The following RIMBP2 variants were observed in gnomAD, a reference collection of about 807,000 sequenced individuals.
RIMBP2 encodes RIMS binding protein 2, also known as RIMS-binding protein 2.
RIMBP2 carries 48 observed loss-of-function variants against 118.6 expected under a neutral mutation model. The observed-to-expected ratio is 0.40, with a 90% CI of 0.32 to 0.51. The LOEUF (loss-of-function observed/expected upper bound fraction) is 0.51. RIMBP2 is among the 20% of genes least tolerant of loss of function. RIMBP2 has a pLI of 0.41. For missense variants in RIMBP2, 1,551 were observed against 1,768.3 expected, an observed-to-expected ratio of 0.88 and a Z score of 2.20; for synonymous variants, 762 against 742.9, an observed-to-expected ratio of 1.03 and a Z score of -0.42.
chr12:130,422,756 C>T lies in RIMBP2; in HGVS notation c.3130-195G>A, dbSNP rs188480053. On this transcript the variant is annotated intron_variant, in intron 16 of 22. Transcript: ENST00000690449. This position sits in a 1 kb window ranked among gnomAD's most constrained non-coding sequence, Gnocchi z 5.2. ...GCACCCCACTGTCTACTCGGAGCCGCTGCTGGGCGCATGGTGGGGTGAGGG... is the reference window on the plus strand; with the variant it reads ...GCACCCCACTGTCTACTCGGAGCCGTTGCTGGGCGCATGGTGGGGTGAGGG... Among the ~76,000 whole-genome samples, 961 of 152,338 alleles carry T rather than the reference C, an allele frequency of 6.3e-3. No homozygotes were observed. Among genetic ancestry groups the T allele is most frequent in the Non-Finnish European group, 0.01 (686 of 68,024 alleles).
At chr12:130,430,401 C>T (rs572322258) in intron 14 of RIMBP2, 12 of 152,276 alleles carry the variant, frequency 7.9e-5, no homozygotes, top group African/African-American at 2.4e-4. Context: ...GGTAAAGCCT[C>T]CACGAGACAG....
chr12:130,450,382 G>T lies in RIMBP2; in HGVS notation c.505-106C>A. Reference sequence around the variant, plus strand: ...TCGCAGCTTCCTGGGCCCCAGGAGGGACGGCCTGAGACTGTGGCACTCCCA... The same window carrying T: ...TCGCAGCTTCCTGGGCCCCAGGAGGTACGGCCTGAGACTGTGGCACTCCCA... On this transcript the variant is annotated intron_variant, in intron 8 of 22. Transcript: ENST00000690449. The surrounding 1 kb of genome is among the most constrained non-coding windows in gnomAD (Gnocchi z 4.8). 1 of 777,100 alleles carries T rather than the reference G, an allele frequency of 1.3e-6. No individual in the cohort carries two copies. Among genetic ancestry groups the T allele is most frequent in the Non-Finnish European group, 2.2e-6 (1 of 449,750 alleles). 48.1% of individuals were successfully genotyped at this position (777,100 alleles called of 1,614,324 possible). A position where few individuals can be genotyped will look rare whatever the true frequency, so the allele number is the denominator to read the frequency against.
chr12:130,459,588 C>G (rs1473781186), intron 6 of RIMBP2, among the ~76,000 whole-genome samples: 2 of 152,194 alleles, frequency 1.3e-5, no homozygotes, highest in Non-Finnish European at 2.9e-5. Context: ...ACCACCCCAT[C>G]AAGGGGGCTA....
chr12:130,495,184 T>C (rs2138540370), intron 4 of RIMBP2, among the ~76,000 whole-genome samples: 1 of 152,320 alleles, frequency 6.6e-6, no homozygotes, highest in East Asian at 1.9e-4. Flanking sequence ...GACTTGGGCG[T>C]CATTTGGGGG....
At chr12:130,700,572 G>T (rs2065809086) in intron 1 of RIMBP2, among the ~76,000 whole-genome samples, 1 of 152,218 alleles carries the variant, frequency 6.6e-6, no homozygotes, top group African/African-American at 2.4e-5. Context: ...TGGAGACAGA[G>T]GCAGAGGTGG....
intron 2 of RIMBP2, among the ~76,000 whole-genome samples, chr12:130,555,297 A>AAAT (rs758644582): frequency 6.6e-6 from 1 of 152,178 alleles, no homozygotes; most frequent in Non-Finnish European, 1.5e-5. Flanking sequence ...TAAATTTAAA[A>AAAT]AATAATAATA....
chr12:130,421,861 A>T (rs2076435087), intron 17 of RIMBP2, among the ~76,000 whole-genome samples: 1 of 152,208 alleles, frequency 6.6e-6, no homozygotes, highest in Non-Finnish European at 1.5e-5. Context: ...AGGATGACTA[A>T]AACGATAGCT....
At chr12:130,668,016 G>C (rs1412801561) in intron 1 of RIMBP2, 1 of 152,118 alleles carries the variant, frequency 6.6e-6, no homozygotes, top group Admixed American at 6.5e-5. Context: ...CAAACCTGAG[G>C]GGGTTGTGGG....
At chr12:130,615,181 ATATT>A (rs1390341844) in intron 2 of RIMBP2, among the ~76,000 whole-genome samples, 6 of 146,536 alleles carry the variant, frequency 4.1e-5, no homozygotes, top group Non-Finnish European at 9.0e-5. Context: ...TATAATATAT[ATATT>A]ACAATATTAC....
intron 1 of RIMBP2, among the ~76,000 whole-genome samples, chr12:130,636,500 G>C (rs150889861): frequency 6.6e-6 from 1 of 152,294 alleles, no homozygotes; most frequent in Non-Finnish European, 1.5e-5. Flanking sequence ...ACTCAGCTGT[G>C]AAGTAGGTAT....
At chr12:130,490,950 C>T (rs1032645700) in intron 4 of RIMBP2, among the ~76,000 whole-genome samples, 7 of 152,144 alleles carry the variant, frequency 4.6e-5, no homozygotes, top group African/African-American at 1.7e-4. Context: ...AGCTCCCGAG[C>T]CCCCTGTGTG....
Position 130,407,892 on chromosome 12 carries a change from C to T in RIMBP2, c.3590-63G>A, listed in dbSNP as rs577946113. The T allele has an allele frequency of 2.3e-5, 34 of 1,467,346 alleles. No homozygotes were observed. In the South Asian group the frequency reaches 3.3e-4, roughly 14 times the overall value. 90.9% of individuals were successfully genotyped at this position (1,467,346 alleles called of 1,614,324 possible). ...GGTTATTTCAAACTTAGCGGTGTTC[C>T]CCTCCTTCCGGGTCACACATGGCCA... is the stretch of plus-strand genomic sequence containing the variant. On this transcript the variant is annotated intron_variant, in intron 19 of 22. Coordinates refer to ENST00000690449, the MANE Select transcript of RIMBP2 (RefSeq NM_001393629.1).
rs1055143140 is a variant in RIMBP2 at position 130,475,904 on chromosome 12, C to G, written c.102+3008G>C. Among the ~76,000 whole-genome samples the G allele has an allele frequency of 6.6e-6, 1 of 151,964 alleles. No individual in the cohort carries two copies. The highest frequency in any genetic ancestry group is 2.4e-5 in the African/African-American group (1 of 41,358). On this transcript the variant is annotated intron_variant, in intron 5 of 22. Coordinates refer to ENST00000690449, the MANE Select transcript of RIMBP2 (RefSeq NM_001393629.1). This position sits in a 1 kb window ranked among gnomAD's most constrained non-coding sequence, Gnocchi z 4.1. Reference sequence around the variant, plus strand: ...GACGTGGCGTCCGAGGCCCCCCAAGCAGTGGTGTCAAGCAGAGGGTGAGTA... The same window carrying G: ...GACGTGGCGTCCGAGGCCCCCCAAGGAGTGGTGTCAAGCAGAGGGTGAGTA...
At position 130,469,519 on chromosome 12, in the gene RIMBP2, T is replaced by C. The variant is rs1320391479; in HGVS notation, c.153+1174A>G. Among the ~76,000 whole-genome samples, 4 of 152,172 alleles carry C rather than the reference T, an allele frequency of 2.6e-5. No individual in the cohort carries two copies. Among genetic ancestry groups the C allele is most frequent in the Non-Finnish European group, 5.9e-5 (4 of 68,022 alleles). On this transcript the variant is annotated intron_variant, in intron 6 of 22. Coordinates refer to ENST00000690449, the MANE Select transcript of RIMBP2 (RefSeq NM_001393629.1). The surrounding 1 kb of genome is among the most constrained non-coding windows in gnomAD (Gnocchi z 4.8). The stretch of plus-strand genomic sequence containing the variant: ...ATTTTCCAGGGAGATAAATGGCCAT[T>C]TGGAGGTCTGTTTCTATTCTCCCAG...
chr12:130,442,980 A>T lies in RIMBP2; in HGVS notation c.692-320T>A, dbSNP rs12810798. The stretch of plus-strand genomic sequence containing the variant: ...ACAACACTCAGGGACAGCAGGGACC[A>T]CACGACTATTGAATGCCCAGCCCTA... On this transcript the variant is annotated intron_variant, in intron 10 of 22. Transcript: ENST00000690449. This position sits in a 1 kb window ranked among gnomAD's most constrained non-coding sequence, Gnocchi z 6.9. Among the ~76,000 whole-genome samples the T allele has an allele frequency of 0.032, 4,922 of 152,360 alleles. 114 individuals are homozygous for T. The highest frequency in any genetic ancestry group is 0.051 in the Non-Finnish European group (3,498 of 68,040).
At position 130,451,360 on chromosome 12, in the gene RIMBP2, C is replaced by A. The variant is rs767876832; in HGVS notation, c.359-20G>T. On this transcript the variant is annotated intron_variant, in intron 7 of 22. Transcript: ENST00000690449. ...CCTGACCTGGCCACGAACATTAAAA[C>A]AAGTTGAAACAAATATGCGAATAAC... 15 of 1,586,306 alleles carry A rather than the reference C, an allele frequency of 9.5e-6. No homozygotes were observed. Among genetic ancestry groups the A allele is most frequent in the Non-Finnish European group, 1.3e-5 (15 of 1,160,436 alleles).
chr12:130,488,644 A>G (rs10848112), intron 4 of RIMBP2, among the ~76,000 whole-genome samples: 76,378 of 152,018 alleles, frequency 0.5, 21,396 homozygotes, highest in Non-Finnish European at 0.62. Flanking sequence ...CAAGGCTGAG[A>G]TATTAATCAA....
intron 4 of RIMBP2, among the ~76,000 whole-genome samples, chr12:130,503,958 A>G (rs1168456106): frequency 6.6e-6 from 1 of 152,230 alleles, no homozygotes; most frequent in Admixed American, 6.5e-5. Flanking sequence ...TTCACAGATA[A>G]TGAAGTCATC....
intron 2 of RIMBP2, among the ~76,000 whole-genome samples, chr12:130,582,737 G>A (rs1400464780): frequency 6.6e-6 from 1 of 152,190 alleles, no homozygotes; most frequent in Non-Finnish European, 1.5e-5. Context: ...ACTGGAGGAG[G>A]GGCCCAGCCC....
Sources: allele counts gnomAD v4.1 joint callset (sites outside exome capture counted in the v4.1 genomes callset), GRCh38; gene constraint gnomAD v4.1.1; non-coding constraint Gnocchi (gnomAD v3.1); transcripts MANE v1.5; gene names NCBI Gene and HGNC (gene_info 2026-07-23, HGNC 2026-07-21).